Variants in KCNJ6 observed in about 807,000 individuals in gnomAD.
KCNJ6 encodes the protein potassium inwardly rectifying channel subfamily J member 6, also known as G protein-activated inward rectifier potassium channel 2.
KCNJ6 carries 9 observed loss-of-function variants against 34.2 expected under a neutral mutation model. That is an observed-to-expected ratio of 0.26 (90% CI 0.16 to 0.46). The LOEUF (loss-of-function observed/expected upper bound fraction) is 0.46. Ranked by LOEUF, KCNJ6 falls within the 20% of genes least tolerant of loss-of-function variation. The pLI is 1.00. For missense variants in KCNJ6, 236 were observed against 531.3 expected (o/e 0.44, Z 5.46); for synonymous variants, 196 against 207.1 (o/e 0.95, Z 0.46).
intron 1 of KCNJ6, among the ~76,000 whole-genome samples, chr21:37,896,354 C>T (rs769084083): frequency 3.9e-5 from 6 of 152,194 alleles, no homozygotes; most frequent in Non-Finnish European, 8.8e-5. Context: ...ATCACCCATG[C>T]TAACTGCTGA....
intron 3 of KCNJ6, among the ~76,000 whole-genome samples, chr21:37,630,762 A>T (rs1199881416): frequency 6.6e-6 from 1 of 152,172 alleles, no homozygotes; most frequent in Non-Finnish European, 1.5e-5. Context: ...CCATTACCTC[A>T]CACACTTATT....
rs1208470609 is a variant in KCNJ6 at position 37,625,375 on chromosome 21, G to A, written c.1056C>T (p.Asn352=). 1.9e-6 allele frequency: 3 copies of A among 1,614,218 alleles called. No homozygotes were observed. Among genetic ancestry groups the A allele is most frequent in the Non-Finnish European group, 8.5e-7 (1 of 1,180,020 alleles). The change falls in exon 4 of 4, where the codon AAC becomes AAT. Residue 352 remains asparagine, a synonymous_variant. Coordinates refer to ENST00000609713, the MANE Select transcript of KCNJ6 (RefSeq NM_002240.5). The part of the protein sequence containing the change: ...LEDGFYEVDY[N]SFHETYETST... The stretch of plus-strand genomic sequence containing the variant: ...TGGTCTCATAGGTCTCATGGAAGCT[G>A]TTGTAGTCAACTTCGTAGAACCCGT...
chr21:37,813,592 C>A (rs966526292), intron 2 of KCNJ6, among the ~76,000 whole-genome samples: 1 of 152,084 alleles, frequency 6.6e-6, no homozygotes, highest in African/African-American at 2.4e-5. Flanking sequence ...AGCCCAGAAG[C>A]AAATCCATAC....
chr21:37,736,195 G>GCAT (rs2054912248), intron 2 of KCNJ6, among the ~76,000 whole-genome samples: 1 of 149,926 alleles, frequency 6.7e-6, no homozygotes, highest in Non-Finnish European at 1.5e-5. Flanking sequence ...CCCTGTGCTA[G>GCAT]GCCCTGGGGA....
Position 37,607,484 on chromosome 21 carries a change from T to TATATATATA in KCNJ6, c.*17674_*17675insTATATATAT, listed in dbSNP as rs35281433. The TATATATATA allele has an allele frequency of 5.5e-3, 341 of 62,156 alleles. 1 individual carries two copies. The highest frequency in any genetic ancestry group is 0.018 in the East Asian group (28 of 1,550). The allele number at this position is 62,156 out of a possible 1,614,324, so 3.9% of individuals were successfully genotyped here. On this transcript the variant is annotated 3_prime_UTR_variant, in exon 4 of 4. Transcript: ENST00000609713. ...TAAAGATATATATATATATATATAT[T>TATATATATA]TTTTTTTTATTTTAAAAAAATTTGG...
chr21:37,771,999 A>G (rs1480788690), intron 2 of KCNJ6, among the ~76,000 whole-genome samples: 1 of 152,238 alleles, frequency 6.6e-6, no homozygotes, highest in African/African-American at 2.4e-5. Flanking sequence ...GGACTGCAAC[A>G]TGAAAATTGC....
chr21:37,857,081 C>A (rs1651745599), intron 1 of KCNJ6, among the ~76,000 whole-genome samples: 1 of 152,176 alleles, frequency 6.6e-6, no homozygotes, highest in African/African-American at 2.4e-5. Context: ...TTAAACCATT[C>A]CTATGGATAG....
intron 2 of KCNJ6, among the ~76,000 whole-genome samples, chr21:37,803,191 G>T (rs1467353108): frequency 3.3e-5 from 5 of 152,128 alleles, no homozygotes; most frequent in African/African-American, 7.2e-5. Flanking sequence ...ATGCGGTGGG[G>T]AGCAAAACAC....
intron 1 of KCNJ6, among the ~76,000 whole-genome samples, chr21:37,890,601 C>T (rs1025055139): frequency 6.6e-6 from 1 of 152,234 alleles, no homozygotes; most frequent in Non-Finnish European, 1.5e-5. Context: ...AGCAAACCCA[C>T]TCAAGGTTTG....
At chr21:37,842,363 G>A (rs780129851) in intron 1 of KCNJ6, among the ~76,000 whole-genome samples, 1 of 152,194 alleles carries the variant, frequency 6.6e-6, no homozygotes, top group Non-Finnish European at 1.5e-5. Context: ...TGGCTTGGGT[G>A]TTGTAGTAAG....
intron 1 of KCNJ6, among the ~76,000 whole-genome samples, chr21:37,909,265 C>T (rs889445018): frequency 6.6e-6 from 1 of 152,152 alleles, no homozygotes; most frequent in Non-Finnish European, 1.5e-5. Context: ...ATACAGTATA[C>T]ACAGGCTCAT....
rs150435718 is a variant in KCNJ6 at position 37,862,074 on chromosome 21, G to A, written c.-27-21365C>T. On this transcript the variant is annotated intron_variant, in intron 1 of 3. Transcript: ENST00000609713. Reference sequence around the variant, plus strand: ...GCCTGCTCCTCAAGCCCCAAGTAAGGCTTAGAAGACAGCCCTTCTTGGAAC... The same window carrying A: ...GCCTGCTCCTCAAGCCCCAAGTAAGACTTAGAAGACAGCCCTTCTTGGAAC... Among the ~76,000 whole-genome samples the A allele has an allele frequency of 1.1e-3, 165 of 152,320 alleles. 2 individuals carry two copies. In the East Asian group the frequency reaches 0.028, roughly 26 times the overall value.
intron 1 of KCNJ6, among the ~76,000 whole-genome samples, chr21:37,893,032 T>G (rs902214449): frequency 6.6e-6 from 1 of 151,418 alleles, no homozygotes; most frequent in African/African-American, 2.4e-5. Context: ...TTTTTTGTAT[T>G]TTTAGTAGAG....
intron 2 of KCNJ6, among the ~76,000 whole-genome samples, chr21:37,715,737 A>C (rs1387843257): frequency 7.2e-5 from 11 of 152,182 alleles, no homozygotes; most frequent in Admixed American, 7.2e-4. Context: ...GAGAGACACC[A>C]GGGGTGCACA....
chr21:37,849,022 C>T (rs2055524287), intron 1 of KCNJ6, among the ~76,000 whole-genome samples: 1 of 152,292 alleles, frequency 6.6e-6, no homozygotes, highest in South Asian at 2.1e-4. Flanking sequence ...AAATATAGGA[C>T]AAGCATTATC....
At chr21:37,734,903 G>A (rs1035286630) in intron 2 of KCNJ6, among the ~76,000 whole-genome samples, 1 of 152,196 alleles carries the variant, frequency 6.6e-6, no homozygotes. Context: ...GCACATCTTG[G>A]TTCTGTGGAA....
At chr21:37,665,729 A>C (rs977108043) in intron 3 of KCNJ6, among the ~76,000 whole-genome samples, 1 of 152,236 alleles carries the variant, frequency 6.6e-6, no homozygotes, top group African/African-American at 2.4e-5. Flanking sequence ...CCCTCCCTCA[A>C]GTATCACAGA....
rs1556013845 is a variant in KCNJ6, at chr21:37,649,157, A to AC, written c.947-23674_947-23673insG. Reference sequence around the variant, plus strand: ...CAAAAAAAAAAAAAAAAAAAAAAGAAAGAAAAAGAAAGGGAGTTTATAAAT... The same window carrying AC: ...CAAAAAAAAAAAAAAAAAAAAAAGAACAGAAAAAGAAAGGGAGTTTATAAAT... On this transcript the variant is annotated intron_variant, in intron 3 of 3. Transcript: ENST00000609713. Among the ~76,000 whole-genome samples the AC allele has an allele frequency of 2.6e-3, 351 of 133,992 alleles. 20 individuals are homozygous for AC. Among genetic ancestry groups the AC allele is most frequent in the African/African-American group, 7.4e-3 (256 of 34,520 alleles). The allele number at this position is 133,992 out of a possible 152,430, so 87.9% of individuals were successfully genotyped here. A position where few individuals can be genotyped will look rare whatever the true frequency, so the allele number is the denominator to read the frequency against.
chr21:37,644,668 G>A (rs2054395621), intron 3 of KCNJ6, among the ~76,000 whole-genome samples: 1 of 152,144 alleles, frequency 6.6e-6, no homozygotes, highest in Non-Finnish European at 1.5e-5. Flanking sequence ...GCCTGGCCTA[G>A]CTATAGTTCA....
Sources: allele counts gnomAD v4.1 joint callset (sites outside exome capture counted in the v4.1 genomes callset), GRCh38; gene constraint gnomAD v4.1.1; transcripts MANE v1.5; gene names NCBI Gene and HGNC (gene_info 2026-07-23, HGNC 2026-07-21).